Variants in CATSPER1 observed in about 807,000 individuals in gnomAD.
The protein encoded by CATSPER1 is cation channel sperm-associated protein 1.
CATSPER1 carries 57 observed loss-of-function variants against 72.7 expected under a neutral mutation model. The observed-to-expected ratio is 0.78, with a 90% CI of 0.63 to 0.98. The LOEUF (loss-of-function observed/expected upper bound fraction) is 0.98. Among genes scored for constraint, CATSPER1 ranks in the 50% least tolerant of loss-of-function variants. CATSPER1 has a pLI of 0.00. For missense variants in CATSPER1, 910 were observed against 1,033.9 expected, an observed-to-expected ratio of 0.88 and a Z score of 1.64; for synonymous variants, 363 against 403.0, an observed-to-expected ratio of 0.90 and a Z score of 1.19.
rs541470218 is a variant in CATSPER1 at position 66,025,303 on chromosome 11, C to T, written c.1077G>A (p.Ser359=). 340 of 1,614,132 alleles carry T rather than the reference C, an allele frequency of 2.1e-4. 2 individuals carry two copies. Among genetic ancestry groups the T allele is most frequent in the South Asian group, 1.3e-3 (119 of 91,078 alleles). Residue 359 remains serine, a synonymous_variant, in exon 1 of 12, where the codon TCG becomes TCA. Coordinates refer to ENST00000312106, the MANE Select transcript of CATSPER1 (RefSeq NM_053054.4). ...TGGAGGACCGAGTCATGCTGTGAGC[C>T]GAGCCCCGTGGGTGTGCTACGTGAT... ...FPYHVAHPRG[S]AHSMTRSSST...
At chr11:66,023,803 A>G (rs1318799583) in intron 1 of CATSPER1, among the ~76,000 whole-genome samples, 1 of 151,668 alleles carries the variant, frequency 6.6e-6, no homozygotes, top group Non-Finnish European at 1.5e-5. Flanking sequence ...TACATATGGA[A>G]AACCCACCCT....
At position 66,023,038 on chromosome 11, in the gene CATSPER1, T is replaced by C; in HGVS notation, c.1240A>G (p.Lys414Glu). Residue 414 changes from lysine to glutamate, a missense_variant, in exon 2 of 12, where the codon AAG (lysine) becomes GAG (glutamate). Lys to Glu is a moderately conservative substitution (Grantham distance 56). Transcript: ENST00000312106. The part of the protein sequence containing the change: ...RKTGRLQRTR[K>E]KGHSTNLFQW... Reference sequence around the variant, plus strand: ...AAGAGATTGGTAGAGTGTCCCTTCTTGCGGGTCCGCTGGAGCCGGCCGGCT... The same window carrying C: ...AAGAGATTGGTAGAGTGTCCCTTCTCGCGGGTCCGCTGGAGCCGGCCGGCT... 1 of 1,614,150 alleles carries C rather than the reference T, an allele frequency of 6.2e-7. No individual in the cohort carries two copies. The highest frequency in any genetic ancestry group is 8.5e-7 in the Non-Finnish European group (1 of 1,180,040).
Position 66,021,809 on chromosome 11 carries a change from G to T in CATSPER1, c.1500C>A (p.Ile500=). Reference sequence around the variant, plus strand: ...CAAAGAAGTACGAGAGGCCCAGGGCGATGATCTTGAGCAGGGCTTCCACCA... The same window carrying T: ...CAAAGAAGTACGAGAGGCCCAGGGCTATGATCTTGAGCAGGGCTTCCACCA... ...IYVVEALLKI[I]ALGLSYFFDF... is the part of the protein sequence containing the mutation. The change falls in exon 3 of 12, where the codon ATC becomes ATA. Residue 500 remains isoleucine, a synonymous_variant. Transcript: ENST00000312106. 2.5e-6 allele frequency: 4 copies of T among 1,614,152 alleles called. No individual in the cohort carries two copies. Among genetic ancestry groups the T allele is most frequent in the Non-Finnish European group, 2.5e-6 (3 of 1,180,030 alleles).
chr11:66,023,411 C>G (rs1856421445), intron 1 of CATSPER1, among the ~76,000 whole-genome samples: 1 of 152,140 alleles, frequency 6.6e-6, no homozygotes, highest in South Asian at 2.1e-4. Flanking sequence ...GCGCTCAGGG[C>G]TGTCCCCAGC....
At position 66,021,146 on chromosome 11, in the gene CATSPER1, G is replaced by T. The variant is rs1174264322; in HGVS notation, c.1731C>A (p.Gly577=). The T allele has an allele frequency of 8.7e-6, 14 of 1,613,362 alleles. No individual in the cohort carries two copies. In the Admixed American group the frequency reaches 1.8e-4, roughly 21 times the overall value. The change falls in exon 5 of 12, where the codon GGC becomes GGA. Residue 577 remains glycine, a synonymous_variant. Coordinates refer to ENST00000312106, the MANE Select transcript of CATSPER1 (RefSeq NM_053054.4). Reference sequence around the variant, plus strand: ...TGGCTGCGATGGACGGCAAGGACTGGCCCAGGGTCCCTGTCACTTCCTGGA... The same window carrying T: ...TGGCTGCGATGGACGGCAAGGACTGTCCCAGGGTCCCTGTCACTTCCTGGA... The part of the protein sequence containing the change: ...TSVQEVTGTL[G]QSLPSIAAIL...
At chr11:66,023,506 C>G (rs770281589) in intron 1 of CATSPER1, among the ~76,000 whole-genome samples, 1 of 152,146 alleles carries the variant, frequency 6.6e-6, no homozygotes, top group Non-Finnish European at 1.5e-5. Flanking sequence ...AGCAGCTGCG[C>G]GACTTCACTA....
In CATSPER1 at chr11:66,020,124, C is replaced by T. The variant is rs370656188; in HGVS notation, c.2125+16G>A. The T allele has an allele frequency of 3.7e-5, 59 of 1,612,668 alleles. No individual in the cohort carries two copies. The highest frequency in any genetic ancestry group is 3.1e-4 in the South Asian group (28 of 91,058). Reference sequence around the variant, plus strand: ...TGCGGACGGGCAGGTGGGGCCAGGGCGGGCCAGGCCCATACCTGCAGCTCT... The same window carrying T: ...TGCGGACGGGCAGGTGGGGCCAGGGTGGGCCAGGCCCATACCTGCAGCTCT... On this transcript the variant is annotated intron_variant, in intron 9 of 11. Coordinates refer to ENST00000312106, the MANE Select transcript of CATSPER1 (RefSeq NM_053054.4). The surrounding 1 kb of genome is among the most constrained non-coding windows in gnomAD (Gnocchi z 4.5).
At chr11:66,025,110 T>C in intron 1 of CATSPER1, 54 bp downstream of exon 1, 1 of 1,610,172 alleles carries the variant, frequency 6.2e-7, no homozygotes, top group Non-Finnish European at 8.5e-7. Context: ...AGATCAGGTC[T>C]GGATCCTGCG....
chr11:66,025,087 C>G, intron 1 of CATSPER1, 77 bp downstream of exon 1: 1 of 1,583,814 alleles, frequency 6.3e-7, no homozygotes, highest in South Asian at 1.1e-5. Flanking sequence ...TGCGGAAGGA[C>G]AGTGCGGGGC....
At chr11:66,018,705 A>G in intron 10 of CATSPER1, 122 bp downstream of exon 10, 1 of 1,091,406 alleles carries the variant, frequency 9.2e-7, no homozygotes, top group East Asian at 2.4e-5. Context: ...GCTCATCCAC[A>G]AGCCTCAGCG....
At chr11:66,023,130 C>T (rs1179713635) in intron 1 of CATSPER1, 69 bp from the exon 2 acceptor site, 37 of 1,434,428 alleles carry the variant, frequency 2.6e-5, no homozygotes, top group Non-Finnish European at 3.3e-5. Context: ...CACCCCCCAG[C>T]CTGGCTCAGC....
chr11:66,021,742 C>G, intron 3 of CATSPER1, 24 bp downstream of exon 3: 1 of 1,612,394 alleles, frequency 6.2e-7, no homozygotes, highest in Non-Finnish European at 8.5e-7. Context: ...TAAACACACG[C>G]AGCCTGGCCC....
chr11:66,025,126 C>T, intron 1 of CATSPER1, 38 bp downstream of exon 1: 1 of 1,612,512 alleles, frequency 6.2e-7, no homozygotes, highest in Non-Finnish European at 8.5e-7. Flanking sequence ...CTGCGCCAGG[C>T]AGCAGGAGTT....
At chr11:66,022,723 T>C (rs1022567286) in intron 2 of CATSPER1, 126 bp downstream of exon 2, 70 of 885,242 alleles carry the variant, frequency 7.9e-5, no homozygotes, top group Non-Finnish European at 1.0e-4. Context: ...TAAGGCCATC[T>C]ACTTCCCAGG....
rs751069933 is a variant in CATSPER1 at position 66,020,653 on chromosome 11, A to G, written c.1928-26T>C. 6.2e-7 allele frequency: 1 copy of G among 1,607,938 alleles called. No individual in the cohort carries two copies. The highest frequency in any genetic ancestry group is 8.5e-7 in the Non-Finnish European group (1 of 1,175,886). ...CTAGGGGGAGCAGGCCAGAGGGCAC[A>G]GTCAGGCTGTGCTCGCCACCCCCAA... On this transcript the variant is annotated intron_variant, in intron 6 of 11. Coordinates refer to ENST00000312106, the MANE Select transcript of CATSPER1 (RefSeq NM_053054.4). This position sits in a 1 kb window ranked among gnomAD's most constrained non-coding sequence, Gnocchi z 4.5.
chr11:66,020,089 T>TTC lies in CATSPER1; in HGVS notation c.2125+50_2125+51insGA, dbSNP rs755031478. On this transcript the variant is annotated intron_variant, in intron 9 of 11. Coordinates refer to ENST00000312106, the MANE Select transcript of CATSPER1 (RefSeq NM_053054.4). This position sits in a 1 kb window ranked among gnomAD's most constrained non-coding sequence, Gnocchi z 4.5. Reference sequence around the variant, plus strand: ...AAGGAGGTTAGGGGGATGGAGAGACTGGCCCCCACTGCGGACGGGCAGGTG... The same window carrying TTC: ...AAGGAGGTTAGGGGGATGGAGAGACTTCGGCCCCCACTGCGGACGGGCAGGTG... 1.3e-6 allele frequency: 2 copies of TTC among 1,575,272 alleles called. No homozygotes were observed. The highest frequency in any genetic ancestry group is 1.7e-6 in the Non-Finnish European group (2 of 1,146,204).
In CATSPER1 at chr11:66,018,918, G is replaced by A. The variant is rs1856296059; in HGVS notation, c.2126-16C>T. On this transcript the variant is annotated splice_polypyrimidine_tract_variant and intron_variant, in intron 9 of 11. Coordinates refer to ENST00000312106, the MANE Select transcript of CATSPER1 (RefSeq NM_053054.4). ...TCTTTGGGCTCTGGATGTAGAGAAA[G>A]AAGGGTGAGGTCAAGGCCTGGATTT... The A allele has an allele frequency of 6.2e-7, 1 of 1,604,618 alleles. No homozygotes were observed. Among genetic ancestry groups the A allele is most frequent in the Non-Finnish European group, 8.5e-7 (1 of 1,171,454 alleles).
Position 66,020,937 on chromosome 11 carries a change from G to A in CATSPER1, c.1801C>T (p.Leu601Phe), listed in dbSNP as rs1431593593. The stretch of plus-strand genomic sequence containing the variant: ...TCAGATTTGCGGAACAGTGCCCGGA[G>A]GACCGCGGAGAAGAGGACTGGCTGT... ...FTCLFLFSAV[L>F]RALFRKSDPK... Residue 601 changes from leucine (L) to phenylalanine (F), a missense_variant, in exon 6 of 12, where the codon CTC becomes TTC. Transcript: ENST00000312106. The surrounding 1 kb of genome is among the most constrained non-coding windows in gnomAD (Gnocchi z 4.5). 6.2e-7 allele frequency: 1 copy of A among 1,614,028 alleles called. No individual in the cohort carries two copies. The highest frequency in any genetic ancestry group is 8.5e-7 in the Non-Finnish European group (1 of 1,180,024).
chr11:66,026,287 G>C lies in CATSPER1; in HGVS notation c.93C>G (p.His31Gln). 6.2e-7 allele frequency: 1 copy of C among 1,614,212 alleles called. No individual in the cohort carries two copies. ...GAGCTCTGCTGTGGCCTGGCCTGTG[G>C]TGTGGGGGTGATGAGTGAGAGCGAA... ...RFFRSHSSPP[H>Q]HRPGHSRALH... Residue 31 changes from histidine to glutamine, a missense_variant, in exon 1 of 12, where the codon CAC becomes CAG. Transcript: ENST00000312106.
Sources: gnomAD v4.1 joint callset for allele counts (sites outside exome capture counted in the v4.1 genomes callset) on GRCh38, gnomAD v4.1.1 for gene constraint, Gnocchi (gnomAD v3.1) non-coding constraint, MANE v1.5 for transcripts, NCBI Gene and HGNC (gene_info 2026-07-23, HGNC 2026-07-21) for gene names.